The following CCM2 variants were observed in gnomAD, a reference collection of about 807,000 sequenced individuals.
CCM2 encodes cerebral cavernous malformations 2 protein.
Under a neutral mutation model 44.9 loss-of-function variants are expected in CCM2, and 25 were observed. The ratio of observed to expected loss-of-function variants is 0.56; its 90% CI spans 0.41 to 0.78. The LOEUF is 0.78. CCM2 is among the 30% of genes least tolerant of loss of function. CCM2 has a pLI of 0.00. For missense variants in CCM2, 481 were observed against 580.6 expected (o/e 0.83, Z 1.76); for synonymous variants, 219 against 241.1 (o/e 0.91, Z 0.85).
In CCM2 at chr7:45,063,928, A is replaced by G. The variant is rs1337748028; in HGVS notation, c.215A>G (p.Gln72Arg). The G allele has an allele frequency of 1.2e-6, 2 of 1,610,848 alleles. No homozygotes were observed. The highest frequency in any genetic ancestry group is 4.5e-5 in the East Asian group (2 of 44,864). ...YIEKEVKYLG[Q>R]LTSIPGYLNP... ...TTCACTTTCTTTCAGTATTTAGGTCAGTTAACGTCCATACCAGGATACCTG... is the reference window on the plus strand; with the variant it reads ...TTCACTTTCTTTCAGTATTTAGGTCGGTTAACGTCCATACCAGGATACCTG... Residue 72 changes from glutamine to arginine, a missense_variant, in exon 3 of 10, where the codon CAG becomes CGG. Transcript: ENST00000258781.
intron 1 of CCM2, chr7:45,027,310 C>T (rs1583875232): frequency 3.8e-5 from 13 of 342,460 alleles, no homozygotes; most frequent in South Asian, 2.9e-4. Flanking sequence ...CTGTTGTCTC[C>T]AGGAAATGGT....
chr7:45,022,461 C>G (rs955961260), intron 1 of CCM2, among the ~76,000 whole-genome samples: 1 of 151,368 alleles, frequency 6.6e-6, no homozygotes, highest in Non-Finnish European at 1.5e-5. Flanking sequence ...CGCCCACCAC[C>G]GTGCCCGGCT....
At chr7:45,073,842 G>A (rs939902759) in intron 8 of CCM2, 4 of 559,348 alleles carry the variant, frequency 7.2e-6, no homozygotes, top group South Asian at 4.4e-5. Context: ...GGGAGGGAAC[G>A]GTGGCCCCTG....
intron 2 of CCM2, among the ~76,000 whole-genome samples, chr7:45,056,864 G>A (rs1798288440): frequency 6.6e-6 from 1 of 152,130 alleles, no homozygotes; most frequent in Admixed American, 6.6e-5. Context: ...TGTGCTTTTG[G>A]TGTGATAGCC....
intron 2 of CCM2, among the ~76,000 whole-genome samples, chr7:45,045,509 G>A (rs976929803): frequency 1.3e-5 from 2 of 152,074 alleles, no homozygotes; most frequent in African/African-American, 4.8e-5. Flanking sequence ...CAGACAAATG[G>A]GGCTGGGTGC....
intron 2 of CCM2, among the ~76,000 whole-genome samples, chr7:45,040,813 C>T (rs781245136): frequency 3.9e-5 from 6 of 152,268 alleles, no homozygotes; most frequent in Non-Finnish European, 5.9e-5. Context: ...ATGGCGAAAC[C>T]CTGTCTCTAT....
intron 2 of CCM2, among the ~76,000 whole-genome samples, chr7:45,048,536 A>G (rs987704249): frequency 6.6e-6 from 1 of 152,188 alleles, no homozygotes; most frequent in African/African-American, 2.4e-5. Flanking sequence ...AGGCCGAGGC[A>G]GGCGGATCAC....
Position 45,000,312 on chromosome 7 carries a change from C to A in CCM2, c.-22C>A, listed in dbSNP as rs1795537648. The stretch of plus-strand genomic sequence containing the variant: ...GGCTCCCGGGGCGGGCCGGGCGGGC[C>A]GCGGGAGCCGCACGCGGCGATATGG... On this transcript the variant is annotated 5_prime_UTR_variant, in exon 1 of 10. Transcript: ENST00000258781. 1.6e-6 allele frequency: 2 copies of A among 1,249,832 alleles called. No homozygotes were observed. Among genetic ancestry groups the A allele is most frequent in the South Asian group, 6.8e-5 (2 of 29,262 alleles). 77.4% of individuals were successfully genotyped at this position (1,249,832 alleles called of 1,614,324 possible).
intron 1 of CCM2, chr7:45,027,553 C>T: frequency 6.8e-7 from 1 of 1,459,972 alleles, no homozygotes; most frequent in Non-Finnish European, 9.3e-7. Context: ...TGGGTGCTGC[C>T]TGCTTTTTAA....
intron 9 of CCM2, among the ~76,000 whole-genome samples, chr7:45,074,722 A>G (rs1351708712): frequency 6.6e-6 from 1 of 152,220 alleles, no homozygotes; most frequent in Admixed American, 6.5e-5. Context: ...GGGAGTGAAC[A>G]CAACCCTGAG....
At chr7:45,058,095 C>T (rs1282037580) in intron 2 of CCM2, among the ~76,000 whole-genome samples, 1 of 152,232 alleles carries the variant, frequency 6.6e-6, no homozygotes, top group Non-Finnish European at 1.5e-5. Flanking sequence ...ATTCGGAAAT[C>T]TCCAGAGTGA....
intron 1 of CCM2, among the ~76,000 whole-genome samples, chr7:45,012,177 A>G (rs2128714488): frequency 7.6e-6 from 1 of 132,382 alleles, no homozygotes; most frequent in Admixed American, 8.8e-5. Flanking sequence ...TCTCTTACCC[A>G]GGCTGCAGTG....
chr7:45,012,200 C>A (rs1204253405), intron 1 of CCM2, among the ~76,000 whole-genome samples: 1 of 137,512 alleles, frequency 7.3e-6, no homozygotes, highest in African/African-American at 2.7e-5. Context: ...GTGCTACGAT[C>A]TTGGCTAACT....
intron 1 of CCM2, among the ~76,000 whole-genome samples, chr7:45,036,453 C>T (rs1267997199): frequency 6.6e-6 from 1 of 152,070 alleles, no homozygotes. Flanking sequence ...TTTGGGGTGG[C>T]TTTTGTTTGC....
intron 1 of CCM2, among the ~76,000 whole-genome samples, chr7:45,003,139 G>T (rs1388905930): frequency 6.6e-6 from 1 of 152,050 alleles, no homozygotes; most frequent in East Asian, 1.9e-4. Flanking sequence ...GCAATGGCAC[G>T]ATCTCAGCTC....
chr7:45,066,545 G>A (rs1388491085), intron 4 of CCM2, among the ~76,000 whole-genome samples: 1 of 152,224 alleles, frequency 6.6e-6, no homozygotes, highest in East Asian at 1.9e-4. Context: ...GTGCAAGCAA[G>A]TCTCTGTGCC....
chr7:45,023,823 T>TATGAGACAGAGTTTTGCTCTTG (rs1796583176), intron 1 of CCM2, among the ~76,000 whole-genome samples: 1 of 144,628 alleles, frequency 6.9e-6, no homozygotes, highest in South Asian at 2.2e-4. Flanking sequence ...TTTTTTTTTT[T>TATGAGACAGAGTTTTGCTCTTG]TTATGAGACA....
chr7:45,069,988 G>A (rs1277875194), intron 6 of CCM2, 27 bp downstream of exon 6: 6 of 1,612,020 alleles, frequency 3.7e-6, no homozygotes, highest in Non-Finnish European at 5.1e-6. Flanking sequence ...TGGGCAGCGG[G>A]TGGGAGCAGG....
At chr7:45,035,609 G>T (rs1409535292) in intron 1 of CCM2, among the ~76,000 whole-genome samples, 3 of 152,200 alleles carry the variant, frequency 2.0e-5, no homozygotes, top group Non-Finnish European at 4.4e-5. Flanking sequence ...CGGGCAAGGG[G>T]AGCTATTCCA....
Sources: gnomAD v4.1 joint callset for allele counts (sites outside exome capture counted in the v4.1 genomes callset) on GRCh38, gnomAD v4.1.1 for gene constraint, MANE v1.5 for transcripts, NCBI Gene and HGNC (gene_info 2026-07-23, HGNC 2026-07-21) for gene names.